Variants in KAT6B observed in about 807,000 individuals in gnomAD.
The protein encoded by KAT6B is lysine acetyltransferase 6B.
KAT6B carries 10 observed loss-of-function variants against 187.5 expected under a neutral mutation model. That is an observed-to-expected ratio of 0.05 (90% CI 0.03 to 0.09). The LOEUF (loss-of-function observed/expected upper bound fraction) is 0.09, where lower values mean the gene tolerates loss of function less well. Ranked by LOEUF, KAT6B falls within the 10% of genes least tolerant of loss-of-function variation. KAT6B has a pLI of 1.00. For synonymous variants in KAT6B, 861 were observed against 926.8 expected (o/e 0.93, Z 1.29); for missense variants, 1,952 against 2,558.9 (o/e 0.76, Z 5.12).
At chr10:74,972,759 A>G (rs1841930070) in intron 7 of KAT6B, 120 bp downstream of exon 7, 2 of 948,092 alleles carry the variant, frequency 2.1e-6, no homozygotes, top group African/African-American at 3.3e-5. Context: ...TCAAGGGTTG[A>G]AAAATACTTT....
At chr10:74,830,769 T>TATATATATGTA (rs58702000) in intron 1 of KAT6B, among the ~76,000 whole-genome samples, 2 of 7,738 alleles carry the variant, frequency 2.6e-4, no homozygotes, top group Non-Finnish European at 5.2e-4. Context: ...TATATATATA[T>TATATATATGTA]TTTTTTTTTT....
At chr10:74,915,213 A>G (rs1441075121) in intron 3 of KAT6B, among the ~76,000 whole-genome samples, 2 of 152,198 alleles carry the variant, frequency 1.3e-5, no homozygotes, top group Non-Finnish European at 2.9e-5. Flanking sequence ...TATAAGAATC[A>G]GTTGTCTAAT....
intron 9 of KAT6B, among the ~76,000 whole-genome samples, chr10:74,978,989 T>C (rs922740154): frequency 6.6e-6 from 1 of 152,204 alleles, no homozygotes; most frequent in African/African-American, 2.4e-5. Context: ...TACACAAAGG[T>C]AATGTTAGGT....
At position 74,843,076 on chromosome 10, in the gene KAT6B, C is replaced by T. The variant is rs1194439243; in HGVS notation, c.219C>T (p.Asp73=). 1 of 1,614,078 alleles carries T rather than the reference C, an allele frequency of 6.2e-7. No homozygotes were observed. Among genetic ancestry groups the T allele is most frequent in the Non-Finnish European group, 8.5e-7 (1 of 1,180,046 alleles). The change falls in exon 3 of 18, where the codon GAC becomes GAT. Residue 73 remains aspartate (D), a synonymous_variant. Transcript: ENST00000287239. The stretch of plus-strand genomic sequence containing the variant: ...ACAAAGGCCTTGCCTCCTATAAGGA[C>T]CCAGACAACCCTGGGCGCTTTTCAT... ...VTNKGLASYK[D]PDNPGRFSSV...
At chr10:74,960,630 G>A (rs1401952211) in intron 4 of KAT6B, among the ~76,000 whole-genome samples, 1 of 151,904 alleles carries the variant, frequency 6.6e-6, no homozygotes, top group Non-Finnish European at 1.5e-5. Context: ...AGATATACTG[G>A]CTAGGAGCAA....
intron 3 of KAT6B, among the ~76,000 whole-genome samples, chr10:74,856,824 C>A (rs977779084): frequency 2.0e-5 from 3 of 152,144 alleles, no homozygotes; most frequent in African/African-American, 4.8e-5. Context: ...TTGCTTGAAT[C>A]CAGGAGATGG....
chr10:74,866,476 C>G (rs1380926669), intron 3 of KAT6B, among the ~76,000 whole-genome samples: 2 of 151,948 alleles, frequency 1.3e-5, no homozygotes, highest in Non-Finnish European at 2.9e-5. Context: ...TATGCTACTT[C>G]AACTTTTCTG....
intron 3 of KAT6B, among the ~76,000 whole-genome samples, chr10:74,908,448 C>G (rs1032875773): frequency 1.3e-5 from 2 of 151,154 alleles, no homozygotes; most frequent in African/African-American, 4.9e-5. Flanking sequence ...GTAGTCCCAG[C>G]TACTCGGGAG....
intron 13 of KAT6B, 32 bp downstream of exon 13, chr10:74,989,144 C>T (rs1284274767): frequency 1.4e-6 from 2 of 1,480,408 alleles, no homozygotes; most frequent in Non-Finnish European, 1.9e-6. Flanking sequence ...CTTTCATGAT[C>T]CAGGAAGCTG....
At chr10:74,909,232 G>T (rs529149568) in intron 3 of KAT6B, among the ~76,000 whole-genome samples, 1 of 152,142 alleles carries the variant, frequency 6.6e-6, no homozygotes, top group African/African-American at 2.4e-5. Context: ...TTAGCTGGGC[G>T]TGGTGGCATT....
intron 3 of KAT6B, among the ~76,000 whole-genome samples, chr10:74,897,209 A>G (rs1846053974): frequency 6.6e-6 from 1 of 152,150 alleles, no homozygotes; most frequent in Non-Finnish European, 1.5e-5. Context: ...AGTTTTTATT[A>G]TAATCCTGAG....
intron 13 of KAT6B, among the ~76,000 whole-genome samples, chr10:74,997,079 G>C (rs897776198): frequency 6.6e-6 from 1 of 151,866 alleles, no homozygotes; most frequent in Non-Finnish European, 1.5e-5. Flanking sequence ...AATGGGCAGA[G>C]GATCAGCTAT....
chr10:74,885,511 G>T (rs975683541), intron 3 of KAT6B, among the ~76,000 whole-genome samples: 9 of 152,134 alleles, frequency 5.9e-5, no homozygotes, highest in Admixed American at 5.2e-4. Flanking sequence ...TAATAAAGAT[G>T]CAAGTTTATC....
chr10:74,973,760 T>C (rs925446928), intron 7 of KAT6B, among the ~76,000 whole-genome samples: 11 of 152,204 alleles, frequency 7.2e-5, no homozygotes, highest in Admixed American at 7.2e-4. Flanking sequence ...GAGGCAAACA[T>C]GAAACATTTA....
intron 1 of KAT6B, 111 bp from the exon 2 acceptor site, chr10:74,838,572 A>C (rs998998820): frequency 6.6e-6 from 1 of 152,216 alleles, no homozygotes; most frequent in Admixed American, 6.5e-5. Flanking sequence ...AATGTAGTAT[A>C]ATAACTCATT....
In KAT6B at chr10:74,925,482, A is replaced by G. The variant is rs753669934; in HGVS notation, c.622-34488A>G. Among the ~76,000 whole-genome samples the G allele has an allele frequency of 4.0e-5, 5 of 124,348 alleles. 1 individual carries two copies. In the East Asian group the frequency reaches 1.3e-3, roughly 32 times the overall value. The allele number at this position is 124,348 out of a possible 152,430, so 81.6% of individuals were successfully genotyped here. A position where few individuals can be genotyped will look rare whatever the true frequency, so the allele number is the denominator to read the frequency against. ...ATTAGTTTTGTTACAGTCTGTCTTT[A>G]TAAGAACATTTCTTTTCCATAATCC... On this transcript the variant is annotated intron_variant, in intron 3 of 17. Transcript: ENST00000287239.
chr10:74,959,731 A>G (rs573652189), intron 3 of KAT6B, among the ~76,000 whole-genome samples: 23 of 152,376 alleles, frequency 1.5e-4, no homozygotes, highest in South Asian at 6.2e-4. Context: ...TGGAGGTTGC[A>G]ATGAGCCGAG....
intron 4 of KAT6B, among the ~76,000 whole-genome samples, chr10:74,968,199 A>G (rs1284694008): frequency 6.6e-6 from 1 of 152,168 alleles, no homozygotes; most frequent in Non-Finnish European, 1.5e-5. Flanking sequence ...TCCTGAGCAG[A>G]AAGAGGAGAT....
intron 3 of KAT6B, among the ~76,000 whole-genome samples, chr10:74,861,577 G>C (rs148745061): frequency 1.7e-4 from 26 of 152,268 alleles, no homozygotes; most frequent in African/African-American, 5.5e-4. Context: ...CTATTAATGT[G>C]GTAGAGCTGG....
Sources: allele counts gnomAD v4.1 joint callset (sites outside exome capture counted in the v4.1 genomes callset), GRCh38; gene constraint gnomAD v4.1.1; transcripts MANE v1.5; gene names NCBI Gene and HGNC (gene_info 2026-07-23, HGNC 2026-07-21).